Variants in DAD1 observed in about 807,000 individuals in gnomAD.
The protein encoded by DAD1 is dolichyl-diphosphooligosaccharide--protein glycosyltransferase subunit DAD1.
In DAD1, 4 loss-of-function variants were observed where a neutral mutation model predicts 9.0. The ratio of observed to expected loss-of-function variants is 0.44; its 90% CI spans 0.22 to 1.01. The LOEUF (loss-of-function observed/expected upper bound fraction) is 1.01. Ranked by LOEUF, DAD1 falls within the 50% of genes least tolerant of loss-of-function variation. The probability of loss-of-function intolerance (pLI) is 0.24; values close to 1 mark genes in which losing one functional copy is unlikely to be tolerated. For synonymous variants in DAD1, 60 were observed against 62.5 expected, an observed-to-expected ratio of 0.96 and a Z score of 0.19; for missense variants, 119 against 137.3, an observed-to-expected ratio of 0.87 and a Z score of 0.67.
chr14:22,571,157 A>C (rs776843357), intron 2 of DAD1, among the ~76,000 whole-genome samples: 5 of 151,912 alleles, frequency 3.3e-5, no homozygotes, highest in Non-Finnish European at 5.9e-5. Context: ...CCCCATCTCT[A>C]CTAAAAATAC....
chr14:22,578,447 TC>T (rs1227398562), intron 1 of DAD1, among the ~76,000 whole-genome samples: 8 of 152,022 alleles, frequency 5.3e-5, no homozygotes, highest in Non-Finnish European at 1.2e-4. Flanking sequence ...GCACCTGTAA[TC>T]CCAGCTACTC....
chr14:22,586,522 A>G (rs2037154236), intron 1 of DAD1, among the ~76,000 whole-genome samples: 1 of 152,166 alleles, frequency 6.6e-6, no homozygotes, highest in Non-Finnish European at 1.5e-5. Context: ...CAGCCTGAGA[A>G]AAAAGAGCAA....
chr14:22,588,760 G>A (rs1253039931), intron 1 of DAD1, among the ~76,000 whole-genome samples, 187 bp downstream of exon 1: 1 of 152,144 alleles, frequency 6.6e-6, no homozygotes, highest in Non-Finnish European at 1.5e-5. Flanking sequence ...CAACTCCTAC[G>A]GAGCCGTTTG....
At chr14:22,585,583 C>T (rs1220302162) in intron 1 of DAD1, among the ~76,000 whole-genome samples, 1 of 152,180 alleles carries the variant, frequency 6.6e-6, no homozygotes, top group African/African-American at 2.4e-5. Context: ...CCAAAACACA[C>T]ACAAAAAAAG....
In DAD1 at chr14:22,579,840, C is replaced by CTTTTT. The variant is rs34081969; in HGVS notation, c.212-4612_212-4608dup. On this transcript the variant is annotated intron_variant, in intron 1 of 2. Coordinates refer to ENST00000250498, the MANE Select transcript of DAD1 (RefSeq NM_001344.4). ...CTTATTAAGTGAAAAAAAGCCAATC[C>CTTTTT]TTTTTTTTTTTTTTTTTGAGACAGG... Among the ~76,000 whole-genome samples the CTTTTT allele has an allele frequency of 5.3e-4, 69 of 129,244 alleles. 4 individuals carry two copies. Among genetic ancestry groups the CTTTTT allele is most frequent in the African/African-American group, 1.3e-3 (45 of 33,600 alleles). 84.8% of individuals were successfully genotyped at this position (129,244 alleles called of 152,430 possible). A position where few individuals can be genotyped will look rare whatever the true frequency, so the allele number is the denominator to read the frequency against.
chr14:22,581,102 T>C (rs1444150176), intron 1 of DAD1, among the ~76,000 whole-genome samples: 4 of 152,214 alleles, frequency 2.6e-5, no homozygotes, highest in Non-Finnish European at 4.4e-5. Flanking sequence ...CCATAAAATA[T>C]TTACTAAACA....
chr14:22,575,018 A>G, intron 2 of DAD1, 41 bp downstream of exon 2: 1 of 1,522,002 alleles, frequency 6.6e-7, no homozygotes, highest in Non-Finnish European at 8.9e-7. Context: ...TTCTCTTCCT[A>G]AAATCAACAT....
At chr14:22,569,937 C>T (rs5742836) in intron 2 of DAD1, among the ~76,000 whole-genome samples, 40,135 of 151,884 alleles carry the variant, frequency 0.26, 5,499 homozygotes, top group Admixed American at 0.29. Context: ...AGGGAGTTCC[C>T]AGCTTGGGCA....
intron 2 of DAD1, among the ~76,000 whole-genome samples, chr14:22,572,558 C>A (rs1313173693): frequency 1.3e-5 from 2 of 152,088 alleles, no homozygotes; most frequent in African/African-American, 4.8e-5. Context: ...GCCCATAATT[C>A]CCAGCTGAGC....
chr14:22,578,390 C>A (rs900296468), intron 1 of DAD1, among the ~76,000 whole-genome samples: 3 of 152,140 alleles, frequency 2.0e-5, no homozygotes, highest in African/African-American at 7.2e-5. Context: ...CATGGGGAAA[C>A]CCCATCTCTA....
Position 22,571,008 on chromosome 14 carries a change from AT to A in DAD1, c.*44+4050del, listed in dbSNP as rs59314743. 5.3e-3 allele frequency among the ~76,000 whole-genome samples: 775 copies of A among 145,722 alleles called. 4 individuals carry two copies. The highest frequency in any genetic ancestry group is 8.2e-3 in the Non-Finnish European group (545 of 66,350). ...TTCAGAACACCTGAGATGGACTGAGATTTTTTTTTTTTTTTTTAAAAAAGAG... is the reference window on the plus strand; with the variant it reads ...TTCAGAACACCTGAGATGGACTGAGATTTTTTTTTTTTTTTTAAAAAAGAG... On this transcript the variant is annotated intron_variant, in intron 2 of 2. Transcript: ENST00000250498.
intron 1 of DAD1, among the ~76,000 whole-genome samples, chr14:22,578,684 G>A (rs1319163894): frequency 6.6e-6 from 1 of 152,208 alleles, no homozygotes; most frequent in Non-Finnish European, 1.5e-5. Flanking sequence ...AGGATAACTG[G>A]GAAGATGCAA....
chr14:22,585,701 C>T (rs1262101720), intron 1 of DAD1, among the ~76,000 whole-genome samples: 2 of 152,098 alleles, frequency 1.3e-5, no homozygotes, highest in East Asian at 1.9e-4. Context: ...CCATCAGGCC[C>T]AATAACAACA....
chr14:22,569,158 G>A (rs1566369639), intron 2 of DAD1, among the ~76,000 whole-genome samples: 2 of 152,156 alleles, frequency 1.3e-5, no homozygotes, highest in South Asian at 2.1e-4. Flanking sequence ...TATTTGGCCG[G>A]GCACAGTGGC....
rs749012378 is a variant in DAD1 at position 22,565,477 on chromosome 14, G to T, written c.*45-340C>A. Reference sequence around the variant, plus strand: ...TTCCCTGGCCCACAAATTCTTTGAGGTGAGAGGGTTGTAGTTTAACCTAAA... The same window carrying T: ...TTCCCTGGCCCACAAATTCTTTGAGTTGAGAGGGTTGTAGTTTAACCTAAA... On this transcript the variant is annotated intron_variant, in intron 2 of 2. Coordinates refer to ENST00000250498, the MANE Select transcript of DAD1 (RefSeq NM_001344.4). 2.6e-4 allele frequency among the ~76,000 whole-genome samples: 39 copies of T among 152,164 alleles called. 1 individual carries two copies. The highest frequency in any genetic ancestry group is 1.0e-3 in the Admixed American group (16 of 15,284).
intron 1 of DAD1, among the ~76,000 whole-genome samples, chr14:22,583,247 T>TA (rs892094976): frequency 2.6e-5 from 4 of 151,350 alleles, no homozygotes; most frequent in African/African-American, 4.9e-5. Flanking sequence ...TTTATCTATT[T>TA]AAAAAAAAAT....
intron 1 of DAD1, among the ~76,000 whole-genome samples, chr14:22,587,207 T>C (rs1355134645): frequency 6.6e-6 from 1 of 152,200 alleles, no homozygotes; most frequent in Non-Finnish European, 1.5e-5. Context: ...GCAAACCACA[T>C]TCTTCAAAGC....
intron 1 of DAD1, among the ~76,000 whole-genome samples, chr14:22,577,439 G>T (rs2037084976): frequency 6.6e-6 from 1 of 152,094 alleles, no homozygotes; most frequent in Non-Finnish European, 1.5e-5. Flanking sequence ...CATCTGGGAG[G>T]TTGGGAGGGT....
At chr14:22,588,737 A>C in intron 1 of DAD1, among the ~76,000 whole-genome samples, 1 of 152,214 alleles carries the variant, frequency 6.6e-6, no homozygotes, top group East Asian at 1.9e-4. Context: ...TGGTTTCTTT[A>C]GACTTTTAAG....
Sources: gnomAD v4.1 joint callset for allele counts (sites outside exome capture counted in the v4.1 genomes callset) on GRCh38, gnomAD v4.1.1 for gene constraint, MANE v1.5 for transcripts, NCBI Gene and HGNC (gene_info 2026-07-23, HGNC 2026-07-21) for gene names.